Variants in RUFY4 observed in about 807,000 individuals in gnomAD.
RUFY4 encodes the protein RUN and FYVE domain-containing protein 4.
A neutral mutation model predicts 69.0 loss-of-function variants in RUFY4; 73 were observed. That is an observed-to-expected ratio of 1.06 (90% CI 0.88 to 1.29). RUFY4 has a LOEUF of 1.29. Ranked by LOEUF, RUFY4 falls within the 50% of genes most tolerant of loss-of-function variation. The probability of loss-of-function intolerance (pLI) is 0.00; values close to 1 mark genes in which losing one functional copy is unlikely to be tolerated. For missense variants in RUFY4, 770 were observed against 705.6 expected (o/e 1.09, Z -1.03); for synonymous variants, 287 against 271.8 (o/e 1.06, Z -0.55).
chr2:218,069,201 A>T (rs1311979641), upstream of RUFY4: 1 of 152,602 alleles, frequency 6.6e-6, no homozygotes, highest in African/African-American at 2.4e-5. Flanking sequence ...GCTGTGAGCC[A>T]GGTTCCCCCT....
chr2:218,042,107 G>T (rs569654447), intron 2 of RUFY4, among the ~76,000 whole-genome samples: 1 of 152,338 alleles, frequency 6.6e-6, no homozygotes, highest in African/African-American at 2.4e-5. Flanking sequence ...ATCATTTGAT[G>T]AGTGAGTGGC....
At chr2:218,079,201 C>A (rs1247956193) in intron 8 of RUFY4, among the ~76,000 whole-genome samples, 1 of 152,168 alleles carries the variant, frequency 6.6e-6, no homozygotes, top group African/African-American at 2.4e-5. Context: ...TTGGAGCTGG[C>A]CTGTTAGCAG....
intron 2 of RUFY4, among the ~76,000 whole-genome samples, chr2:218,047,353 A>G (rs535891433): frequency 1.3e-5 from 2 of 152,260 alleles, no homozygotes; most frequent in African/African-American, 2.4e-5. Context: ...CTATGACCAC[A>G]AATAAAGTTC....
chr2:218,067,487 A>G (rs1400062542), upstream of RUFY4, among the ~76,000 whole-genome samples: 1 of 152,208 alleles, frequency 6.6e-6, no homozygotes. Context: ...GTGAGGGCCC[A>G]GGTGATGGGT....
intron 9 of RUFY4, among the ~76,000 whole-genome samples, chr2:218,085,966 T>G (rs931580873): frequency 2.6e-5 from 4 of 152,150 alleles, no homozygotes; most frequent in Admixed American, 2.6e-4. Flanking sequence ...GAGGAGAGTC[T>G]AGAATATAAA....
intron 3 of RUFY4, chr2:218,059,280 A>C (rs1365779564): frequency 6.5e-6 from 1 of 153,402 alleles, no homozygotes; most frequent in Non-Finnish European, 1.5e-5. Flanking sequence ...TATACATAAA[A>C]TTTTACCATT....
At chr2:218,051,175 T>C (rs1282090615) in intron 2 of RUFY4, among the ~76,000 whole-genome samples, 1 of 152,190 alleles carries the variant, frequency 6.6e-6, no homozygotes, top group East Asian at 1.9e-4. Flanking sequence ...CTAAATAAGA[T>C]AAAATGCTGA....
At chr2:218,062,272 G>T (rs1466177330) in intron 3 of RUFY4, among the ~76,000 whole-genome samples, 1 of 152,144 alleles carries the variant, frequency 6.6e-6, no homozygotes, top group Non-Finnish European at 1.5e-5. Context: ...CGGGCATGGT[G>T]GCGGGCACCT....
intron 5 of RUFY4, 135 bp from the exon 8 acceptor site, chr2:218,073,681 A>G: frequency 1.1e-6 from 1 of 934,650 alleles, no homozygotes; most frequent in Non-Finnish European, 1.6e-6. Flanking sequence ...GATGGGATGC[A>G]TGAGGGTGGG....
At chr2:218,053,222 G>A (rs1487868462) in intron 2 of RUFY4, among the ~76,000 whole-genome samples, 11 of 152,140 alleles carry the variant, frequency 7.2e-5, no homozygotes, top group African/African-American at 2.4e-4. Context: ...ACCTAACATC[G>A]ACTTTGGGAT....
chr2:218,075,548 G>A (rs184385692), exon 7 of RUFY4: 2 of 1,536,300 alleles, frequency 1.3e-6, no homozygotes, highest in Non-Finnish European at 1.7e-6. Flanking sequence ...GCCCCAGAGG[G>A]GCTGTAGAGG....
intron 3 of RUFY4, chr2:218,061,398 C>T (rs1689188056): frequency 4.6e-6 from 1 of 218,556 alleles, no homozygotes; most frequent in East Asian, 1.1e-4. Context: ...ATTTTCCCAG[C>T]CAAAATTTTC....
chr2:218,065,605 TG>T (rs1187549173), upstream of RUFY4: 5 of 152,882 alleles, frequency 3.3e-5, no homozygotes, highest in East Asian at 9.6e-4. Context: ...CAGCTGTGGC[TG>T]GCAAGAAGCT....
chr2:218,036,172 T>C (rs995743170), intron 2 of RUFY4, among the ~76,000 whole-genome samples: 1 of 152,218 alleles, frequency 6.6e-6, no homozygotes, highest in Non-Finnish European at 1.5e-5. Flanking sequence ...ATTAAACAAT[T>C]AGCACAGTGT....
At chr2:218,070,783 G>A (rs1559431488) in exon 2 of RUFY4, 3 of 1,537,230 alleles carry the variant, frequency 2.0e-6, no homozygotes, top group Non-Finnish European at 1.7e-6. Flanking sequence ...CAGGGCTATG[G>A]GGATGGGCAG....
intron 8 of RUFY4, among the ~76,000 whole-genome samples, chr2:218,079,246 G>T (rs551800116): frequency 1.6e-4 from 25 of 152,360 alleles, no homozygotes; most frequent in African/African-American, 5.3e-4. Context: ...CGAGGACCCT[G>T]CCATGCAGGG....
intron 8 of RUFY4, among the ~76,000 whole-genome samples, chr2:218,082,630 G>A (rs879297165): frequency 5.9e-5 from 9 of 152,052 alleles, no homozygotes; most frequent in East Asian, 1.9e-4. Context: ...GTGTGTAAAC[G>A]CACATACATT....
chr2:218,058,304 A>G (rs1167025972), intron 2 of RUFY4, among the ~76,000 whole-genome samples: 1 of 152,204 alleles, frequency 6.6e-6, no homozygotes, highest in African/African-American at 2.4e-5. Flanking sequence ...TGTGAATAGC[A>G]TACATACTAC....
chr2:218,073,185 G>T, intron 4 of RUFY4, 58 bp from the exon 7 acceptor site: 1 of 1,528,788 alleles, frequency 6.5e-7, no homozygotes, highest in Non-Finnish European at 8.8e-7. Context: ...GGGTGGTTGG[G>T]GCAGGGGGAA....
Sources: allele counts gnomAD v4.1 joint callset (sites outside exome capture counted in the v4.1 genomes callset), GRCh38; gene constraint gnomAD v4.1.1; transcripts MANE v1.5; gene names NCBI Gene and HGNC (gene_info 2026-07-23, HGNC 2026-07-21).